THSD7B: variants seen among roughly 807,000 people sequenced by gnomAD.
THSD7B encodes the protein thrombospondin type 1 domain containing 7B.
In THSD7B, 138 loss-of-function variants were observed where a neutral mutation model predicts 213.6. The observed-to-expected ratio is 0.65, with a 90% CI of 0.56 to 0.74. The LOEUF is 0.74. Among genes scored for constraint, THSD7B ranks in the 30% least tolerant of loss-of-function variants. The pLI, the probability that THSD7B is intolerant of heterozygous loss-of-function variation, is 0.00. For synonymous variants in THSD7B, 742 were observed against 687.0 expected (o/e 1.08, Z -1.25); for missense variants, 1,931 against 1,991.5 (o/e 0.97, Z 0.58).
At chr2:137,383,897 A>T (rs576468980) in intron 12 of THSD7B, among the ~76,000 whole-genome samples, 1 of 152,342 alleles carries the variant, frequency 6.6e-6, no homozygotes, top group East Asian at 1.9e-4. Flanking sequence ...GGCCCCCAGA[A>T]TCATAAACAA....
intron 3 of THSD7B, among the ~76,000 whole-genome samples, chr2:137,070,294 T>A: frequency 6.6e-6 from 1 of 151,928 alleles, no homozygotes; most frequent in East Asian, 1.9e-4. Flanking sequence ...ATTCTTTTTT[T>A]ACAGTTGCAT....
intron 20 of THSD7B, among the ~76,000 whole-genome samples, chr2:137,623,077 C>A (rs1682552504): frequency 6.6e-6 from 1 of 152,182 alleles, no homozygotes; most frequent in Admixed American, 6.5e-5. Flanking sequence ...CAAAAATCCT[C>A]AATAAAATAC....
intron 7 of THSD7B, among the ~76,000 whole-genome samples, chr2:137,223,720 C>T (rs1681428940): frequency 6.6e-6 from 1 of 152,140 alleles, no homozygotes; most frequent in Admixed American, 6.5e-5. Context: ...AACATTTCAG[C>T]ACTGATGTGG....
chr2:137,659,131 C>T (rs911116656), intron 24 of THSD7B, among the ~76,000 whole-genome samples: 2 of 152,144 alleles, frequency 1.3e-5, no homozygotes, highest in African/African-American at 2.4e-5. Flanking sequence ...TGTGTTTATA[C>T]GTGACTCTGT....
intron 7 of THSD7B, among the ~76,000 whole-genome samples, chr2:137,212,863 G>T (rs898301212): frequency 1.3e-5 from 2 of 151,904 alleles, no homozygotes; most frequent in Non-Finnish European, 2.9e-5. Context: ...AACCACAAAT[G>T]GTGTAAAATT....
intron 5 of THSD7B, among the ~76,000 whole-genome samples, chr2:137,115,573 G>A (rs1688434852): frequency 6.6e-6 from 1 of 152,036 alleles, no homozygotes; most frequent in African/African-American, 2.4e-5. Flanking sequence ...ACAAGCTAAG[G>A]GTCTGGTATG....
chr2:137,551,382 A>T (rs1465317665), intron 15 of THSD7B, among the ~76,000 whole-genome samples: 2 of 152,210 alleles, frequency 1.3e-5, no homozygotes, highest in Non-Finnish European at 2.9e-5. Context: ...TTAAAATTTC[A>T]TTAATCACAA....
At chr2:137,269,056 A>AAC (rs998210465) in intron 10 of THSD7B, among the ~76,000 whole-genome samples, 2 of 151,860 alleles carry the variant, frequency 1.3e-5, no homozygotes, top group African/African-American at 2.4e-5. Context: ...TACACACACA[A>AAC]ACACACAGAG....
intron 2 of THSD7B, among the ~76,000 whole-genome samples, chr2:137,015,261 G>A (rs549588596): frequency 1.2e-4 from 18 of 152,186 alleles, no homozygotes; most frequent in African/African-American, 3.6e-4. Flanking sequence ...AAGAAATATG[G>A]CCTTCATTTA....
intron 12 of THSD7B, among the ~76,000 whole-genome samples, chr2:137,399,128 C>T (rs368513902): frequency 1.8e-4 from 28 of 151,918 alleles, no homozygotes; most frequent in African/African-American, 5.1e-4. Context: ...CTGTCTTCTG[C>T]GTCACTCTCG....
intron 3 of THSD7B, among the ~76,000 whole-genome samples, chr2:137,064,970 G>T (rs1286324787): frequency 2.6e-5 from 4 of 150,944 alleles, no homozygotes; most frequent in African/African-American, 9.7e-5. Context: ...TGTTGTTGTT[G>T]TTTTTTCAGG....
In THSD7B at chr2:137,139,956, A is replaced by G. The variant is rs536761311; in HGVS notation, c.1370-20257A>G. Among the ~76,000 whole-genome samples the G allele has an allele frequency of 3.3e-5, 5 of 152,182 alleles. No individual in the cohort carries two copies. In the South Asian group the frequency reaches 1.0e-3, roughly 32 times the overall value. On this transcript the variant is annotated intron_variant, in intron 5 of 27. Coordinates refer to ENST00000409968, the MANE Select transcript of THSD7B (RefSeq NM_001316349.2). Reference sequence around the variant, plus strand: ...TTCCATTTAATTTTTAATTATTCGAATTGGTTTTTATTCATAAAGGAAATG... The same window carrying G: ...TTCCATTTAATTTTTAATTATTCGAGTTGGTTTTTATTCATAAAGGAAATG...
At chr2:137,613,693 T>C (rs1682328770) in intron 17 of THSD7B, among the ~76,000 whole-genome samples, 1 of 152,162 alleles carries the variant, frequency 6.6e-6, no homozygotes, top group Non-Finnish European at 1.5e-5. Context: ...ATTGACAATA[T>C]GTCTTTATAT....
At chr2:137,641,583 A>G (rs1682938054) in intron 20 of THSD7B, among the ~76,000 whole-genome samples, 1 of 152,238 alleles carries the variant, frequency 6.6e-6, no homozygotes, top group South Asian at 2.1e-4. Flanking sequence ...AAGAGTAGGA[A>G]AGAGAGAGTG....
intron 2 of THSD7B, among the ~76,000 whole-genome samples, chr2:136,997,625 A>T (rs1685918633): frequency 6.6e-6 from 1 of 152,212 alleles, no homozygotes; most frequent in Non-Finnish European, 1.5e-5. Flanking sequence ...TAGCAGAAGC[A>T]TAGAGGTGGA....
At chr2:137,063,986 C>T (rs1043211924) in intron 3 of THSD7B, among the ~76,000 whole-genome samples, 8 of 151,980 alleles carry the variant, frequency 5.3e-5, no homozygotes, top group African/African-American at 1.9e-4. Context: ...GGGAGTTCAG[C>T]TATCTCTTTT....
chr2:137,036,157 T>G (rs1686770083), intron 2 of THSD7B, among the ~76,000 whole-genome samples: 2 of 152,194 alleles, frequency 1.3e-5, no homozygotes, highest in Non-Finnish European at 2.9e-5. Flanking sequence ...CTTAGTTATT[T>G]TCACTAATGC....
At chr2:137,478,820 C>T (rs1688244986) in intron 15 of THSD7B, among the ~76,000 whole-genome samples, 1 of 152,166 alleles carries the variant, frequency 6.6e-6, no homozygotes, top group Non-Finnish European at 1.5e-5. Context: ...ATTTATTTCA[C>T]TGTAAACAGA....
chr2:137,307,861 C>G (rs1041559723), intron 12 of THSD7B, among the ~76,000 whole-genome samples: 1 of 151,978 alleles, frequency 6.6e-6, no homozygotes, highest in African/African-American at 2.4e-5. Flanking sequence ...GGAAGCTGAC[C>G]AGGAGCGGTG....
Sources: gnomAD v4.1 joint callset for allele counts (sites outside exome capture counted in the v4.1 genomes callset) on GRCh38, gnomAD v4.1.1 for gene constraint, MANE v1.5 for transcripts, NCBI Gene and HGNC (gene_info 2026-07-23, HGNC 2026-07-21) for gene names.